ERLIN2: variants seen among roughly 807,000 people sequenced by gnomAD.
ERLIN2 encodes erlin-2.
ERLIN2 carries 22 observed loss-of-function variants against 41.5 expected under a neutral mutation model. The observed-to-expected ratio is 0.53, with a 90% confidence interval of 0.38 to 0.76. ERLIN2 has a LOEUF of 0.76. Among genes scored for constraint, ERLIN2 ranks in the 30% least tolerant of loss-of-function variants. The pLI, the probability that ERLIN2 is intolerant of heterozygous loss-of-function variation, is 0.00. For missense variants in ERLIN2, 247 were observed against 414.3 expected (o/e 0.60, Z 3.51); for synonymous variants, 149 against 150.9 (o/e 0.99, Z 0.09).
chr8:37,744,922 T>C (rs1264065805), intron 6 of ERLIN2: 1 of 679,448 alleles, frequency 1.5e-6, no homozygotes, highest in Non-Finnish European at 2.7e-6. Context: ...ACAGGGACCA[T>C]AGTGGAGTAG....
At chr8:37,740,698 GA>G (rs1802820897) in intron 3 of ERLIN2, 1 of 155,658 alleles carries the variant, frequency 6.4e-6, no homozygotes, top group African/African-American at 2.4e-5. Flanking sequence ...TATATGGAAA[GA>G]AAAGTCAGGG....
intron 2 of ERLIN2, among the ~76,000 whole-genome samples, chr8:37,739,027 T>A (rs1352412480): frequency 6.6e-6 from 1 of 152,214 alleles, no homozygotes; most frequent in African/African-American, 2.4e-5. Context: ...GTTTTTTTTT[T>A]AATTCTTTGC....
At chr8:37,737,667 G>A (rs1442051502) in intron 1 of ERLIN2, 2 of 503,692 alleles carry the variant, frequency 4.0e-6, no homozygotes, top group Non-Finnish European at 3.6e-6. Context: ...CTTGAGCAAC[G>A]GCTGTATCCG....
In ERLIN2 at chr8:37,756,317, G is replaced by A. The variant is rs532892951; in HGVS notation, c.*2202G>A. ...TGACATGCCCAGCATCCCACTTCCC[G>A]AAAATGTCTACTCCTTCTACTCTGA... On this transcript the variant is annotated 3_prime_UTR_variant, in exon 12 of 12. Transcript: ENST00000519638. 6.6e-6 allele frequency: 1 copy of A among 152,332 alleles called. No homozygotes were observed. The highest frequency in any genetic ancestry group is 1.9e-4 in the East Asian group (1 of 5,184). 9.4% of individuals were successfully genotyped at this position (152,332 alleles called of 1,614,324 possible).
intron 10 of ERLIN2, among the ~76,000 whole-genome samples, chr8:37,752,597 C>CG (rs1803248016): frequency 6.6e-6 from 1 of 152,170 alleles, no homozygotes. Context: ...TCCTTCCACG[C>CG]GGGGTCACAC....
chr8:37,751,498 G>T, intron 9 of ERLIN2, 128 bp from the exon 10 acceptor site: 1 of 736,780 alleles, frequency 1.4e-6, no homozygotes, highest in Non-Finnish European at 2.4e-6. Flanking sequence ...GCCCTTGTGT[G>T]CACTCACAGC....
At chr8:37,747,562 G>A in intron 6 of ERLIN2, 1 of 1,612,250 alleles carries the variant, frequency 6.2e-7, no homozygotes, top group Non-Finnish European at 8.5e-7. Flanking sequence ...CATGTCTTTG[G>A]TCCGTTTGGT....
chr8:37,738,756 G>C (rs922260894), intron 2 of ERLIN2, among the ~76,000 whole-genome samples: 1 of 151,996 alleles, frequency 6.6e-6, no homozygotes, highest in African/African-American at 2.4e-5. Flanking sequence ...ATGGCAGCAC[G>C]TGCCTGTAAT....
intron 6 of ERLIN2, chr8:37,745,225 C>T: frequency 2.2e-6 from 1 of 446,756 alleles, no homozygotes; most frequent in Admixed American, 3.9e-5. Context: ...ATGAAAAAGA[C>T]ATGATTCATA....
In ERLIN2 at chr8:37,744,668, G is replaced by A. The variant is rs762587770; in HGVS notation, c.396G>A (p.Thr132=). The A allele has an allele frequency of 1.7e-5, 28 of 1,614,004 alleles. No homozygotes were observed. Among genetic ancestry groups the A allele is most frequent in the Admixed American group, 1.7e-5 (1 of 59,986 alleles). The change falls in exon 6 of 12, where the codon ACG becomes ACA. Residue 132 remains threonine (T), a synonymous_variant. Transcript: ENST00000519638. ...TGAACCAGTTCTGCAGTGTGCACAC[G>A]CTTCAAGAGGTCTACATTGAGCTGT... ...HELNQFCSVH[T]LQEVYIELFD...
rs144792388 is a variant in ERLIN2 at position 37,742,983 on chromosome 8, C to T, written c.236+1165C>T. ...AGGGCAAAGAGATCCGAAGAGAACA[C>T]TGCTACAGCGGTCCCACTGGAAAGC... On this transcript the variant is annotated intron_variant, in intron 4 of 11. Transcript: ENST00000519638. 4.1e-4 allele frequency among the ~76,000 whole-genome samples: 62 copies of T among 152,298 alleles called. 1 individual carries two copies. Among genetic ancestry groups the T allele is most frequent in the South Asian group, 2.7e-3 (13 of 4,822 alleles).
chr8:37,752,028 A>C (rs960000253), intron 10 of ERLIN2, among the ~76,000 whole-genome samples: 4 of 152,220 alleles, frequency 2.6e-5, no homozygotes, highest in African/African-American at 9.6e-5. Flanking sequence ...CCAGGCTAGC[A>C]GGGCCTTGGA....
intron 4 of ERLIN2, among the ~76,000 whole-genome samples, chr8:37,743,120 G>A (rs1802912865): frequency 6.6e-6 from 1 of 152,210 alleles, no homozygotes; most frequent in Non-Finnish European, 1.5e-5. Context: ...TTCACAAAGT[G>A]GTTGTATTTA....
At chr8:37,738,121 C>CT in intron 2 of ERLIN2, 92 bp downstream of exon 2, 1 of 1,467,170 alleles carries the variant, frequency 6.8e-7, no homozygotes, top group Non-Finnish European at 9.5e-7. Flanking sequence ...CTGAACATCT[C>CT]TATTTATATT....
chr8:37,736,705 C>G, intron 1 of ERLIN2, 27 bp downstream of exon 1: 2 of 985,646 alleles, frequency 2.0e-6, no homozygotes, highest in Non-Finnish European at 2.4e-6. Flanking sequence ...CCTTCGTGCG[C>G]GCGCTGGGCC....
rs755582999 is a variant in ERLIN2, at chr8:37,753,522, C to G, written c.812C>G (p.Ala271Gly). Reference protein sequence around the residue: ...ECYTAMKIAEANKLKLTPEYL... With the variant: ...ECYTAMKIAEGNKLKLTPEYL... ...TACACTGCTATGAAAATAGCCGAAG[C>G]CAATAAGGTAAAGACCCCGCACAGC... Residue 271 changes from alanine (A) to glycine (G), a missense_variant, in exon 11 of 12, where the codon GCC becomes GGC. Around this residue, in one of 3 missense-constraint regions of ERLIN2, gnomAD observed 153 missense variants for 256.4 expected, o/e 0.60. Transcript: ENST00000519638. 1 of 1,613,754 alleles carries G rather than the reference C, an allele frequency of 6.2e-7. No homozygotes were observed. The highest frequency in any genetic ancestry group is 1.1e-5 in the South Asian group (1 of 91,066).
At chr8:37,749,442 C>T (rs1225751212) in intron 6 of ERLIN2, 117 bp from the exon 7 acceptor site, 1 of 778,790 alleles carries the variant, frequency 1.3e-6, no homozygotes, top group Non-Finnish European at 2.3e-6. Flanking sequence ...GATAAGCACA[C>T]TCCCTTGGGA....
chr8:37,744,996 A>G (rs1802990018), intron 6 of ERLIN2: 10 of 604,488 alleles, frequency 1.7e-5, no homozygotes, highest in South Asian at 1.2e-4. Flanking sequence ...TTCCTAAACT[A>G]TCATTCTATA....
rs182293610 is a variant in ERLIN2, at chr8:37,749,139, T to C, written c.425-420T>C. ...CTCAGCTCTTTCCACAAAACCTAAATAGCCATTCCACCTTCCTTCTTCTTG... is the reference window on the plus strand; with the variant it reads ...CTCAGCTCTTTCCACAAAACCTAAACAGCCATTCCACCTTCCTTCTTCTTG... On this transcript the variant is annotated intron_variant, in intron 6 of 11. Coordinates refer to ENST00000519638, the MANE Select transcript of ERLIN2 (RefSeq NM_007175.8). 1.1e-3 allele frequency among the ~76,000 whole-genome samples: 169 copies of C among 152,340 alleles called. 3 individuals carry two copies. The South Asian group carries it at 0.013, about 12-fold the overall frequency.
Sources: allele counts gnomAD v4.1 joint callset (sites outside exome capture counted in the v4.1 genomes callset), GRCh38; gene constraint gnomAD v4.1.1; regional missense constraint gnomAD v4.1.1; transcripts MANE v1.5; gene names NCBI Gene and HGNC (gene_info 2026-07-23, HGNC 2026-07-21).